The following RABGAP1 variants were observed in gnomAD, a reference collection of about 807,000 sequenced individuals.
RABGAP1 encodes RAB GTPase activating protein 1.
In RABGAP1, 23 loss-of-function variants were observed where a neutral mutation model predicts 137.6. That is an observed-to-expected ratio of 0.17 (90% CI 0.12 to 0.24). The LOEUF (loss-of-function observed/expected upper bound fraction) is 0.24. Among genes scored for constraint, RABGAP1 ranks in the 10% least tolerant of loss-of-function variants. RABGAP1 has a pLI of 1.00. For missense variants in RABGAP1, 906 were observed against 1,275.8 expected (o/e 0.71, Z 4.42); for synonymous variants, 451 against 450.7 (o/e 1.00, Z -0.01).
chr9:123,021,450 A>G (rs1387763417), intron 13 of RABGAP1, among the ~76,000 whole-genome samples: 1 of 151,642 alleles, frequency 6.6e-6, no homozygotes, highest in Non-Finnish European at 1.5e-5. Flanking sequence ...CCATCTCCCA[A>G]GAAGCTGGGA....
chr9:122,964,388 C>T (rs1835016489), intron 2 of RABGAP1, among the ~76,000 whole-genome samples: 1 of 151,986 alleles, frequency 6.6e-6, no homozygotes, highest in South Asian at 2.1e-4. Context: ...GGGAGTTATT[C>T]CAGGAATGTA....
At chr9:122,966,504 CAA>C (rs541484743) in intron 2 of RABGAP1, among the ~76,000 whole-genome samples, 78 of 151,898 alleles carry the variant, frequency 5.1e-4, no homozygotes, top group Non-Finnish European at 8.4e-4. Flanking sequence ...GCCTGGGTGA[CAA>C]GAGTGAAACT....
At chr9:123,032,391 A>G (rs1284593379) in intron 13 of RABGAP1, among the ~76,000 whole-genome samples, 1 of 152,222 alleles carries the variant, frequency 6.6e-6, no homozygotes, top group Non-Finnish European at 1.5e-5. Context: ...TGTGCCACAC[A>G]CTTCGCTCTG....
In RABGAP1 at chr9:122,942,526, C is replaced by T. The variant is rs1264649110; in HGVS notation, c.-50+1433C>T. ...CTCTACTGAAAATACAAAAATTAGA[C>T]GGGCGTAGTGGCAGGCGCCTGTAGT... is the stretch of plus-strand genomic sequence containing the variant. On this transcript the variant is annotated intron_variant, in intron 1 of 25. Coordinates refer to ENST00000373647, the MANE Select transcript of RABGAP1 (RefSeq NM_012197.4). 2.6e-5 allele frequency among the ~76,000 whole-genome samples: 4 copies of T among 151,972 alleles called. No individual in the cohort carries two copies. In the East Asian group the frequency reaches 5.8e-4, roughly 22 times the overall value.
At chr9:123,014,638 T>C (rs997249774) in intron 11 of RABGAP1, among the ~76,000 whole-genome samples, 20 of 150,038 alleles carry the variant, frequency 1.3e-4, no homozygotes, top group African/African-American at 4.9e-4. Flanking sequence ...ACTGAGTAAT[T>C]TATAAAGAAA....
At chr9:122,959,720 T>TC (rs559663484) in intron 2 of RABGAP1, among the ~76,000 whole-genome samples, 390 of 152,244 alleles carry the variant, frequency 2.6e-3, no homozygotes, top group African/African-American at 8.0e-3. Context: ...AGAATCCCTG[T>TC]CCCCCATCAG....
At chr9:123,077,281 C>T (rs1201688630) in intron 19 of RABGAP1, among the ~76,000 whole-genome samples, 1 of 151,776 alleles carries the variant, frequency 6.6e-6, no homozygotes, top group Admixed American at 6.6e-5. Flanking sequence ...TCCTGAGTAG[C>T]TGGGACTACA....
intron 6 of RABGAP1, among the ~76,000 whole-genome samples, chr9:122,993,516 C>T (rs1836853900): frequency 6.6e-6 from 1 of 152,054 alleles, no homozygotes; most frequent in African/African-American, 2.4e-5. Flanking sequence ...AGGTGATCCA[C>T]CTGCCTCAGC....
intron 2 of RABGAP1, among the ~76,000 whole-genome samples, chr9:122,979,210 T>C (rs142078050): frequency 7.2e-5 from 11 of 152,328 alleles, no homozygotes; most frequent in African/African-American, 2.6e-4. Flanking sequence ...TAGTCATTCT[T>C]ATAAGGGTAT....
chr9:123,061,398 A>T (rs1310916422), intron 13 of RABGAP1, among the ~76,000 whole-genome samples: 1 of 152,222 alleles, frequency 6.6e-6, no homozygotes, highest in Non-Finnish European at 1.5e-5. Flanking sequence ...TACAGGCATG[A>T]GCTACTGCGC....
chr9:122,941,994 G>C (rs1564344562), intron 1 of RABGAP1, among the ~76,000 whole-genome samples: 2 of 152,214 alleles, frequency 1.3e-5, no homozygotes, highest in African/African-American at 2.4e-5. Flanking sequence ...GTTCCAACTT[G>C]AATTTGAGGT....
chr9:123,029,512 A>T, intron 13 of RABGAP1: 1 of 891,484 alleles, frequency 1.1e-6, no homozygotes, highest in East Asian at 2.4e-5. Context: ...TGGCCAGGGA[A>T]CCTCAAATCT....
At chr9:123,077,875 A>T (rs563760828) in intron 19 of RABGAP1, among the ~76,000 whole-genome samples, 6,448 of 152,200 alleles carry the variant, frequency 0.042, 195 homozygotes, top group Admixed American at 0.079. Flanking sequence ...AGACTGAGCT[A>T]ACTCAGATTA....
At chr9:123,087,107 T>TTG (rs1450018368) in intron 19 of RABGAP1, among the ~76,000 whole-genome samples, 1 of 152,214 alleles carries the variant, frequency 6.6e-6, no homozygotes, top group Non-Finnish European at 1.5e-5. Flanking sequence ...ACCAGGTACT[T>TTG]ATCACACACC....
Position 123,015,543 on chromosome 9 carries a change from A to G in RABGAP1, c.1550A>G (p.Asp517Gly). Residue 517 changes from aspartate (D) to glycine (G), a missense_variant and splice_region_variant, in exon 12 of 26, where the codon GAT (aspartate) becomes GGT (glycine). By Grantham distance (94) the Asp-to-Gly change is moderately conservative (BLOSUM62 -1). This residue lies in a region of RABGAP1 where 212 missense variants were observed against 289.4 expected (regional missense o/e 0.73). Transcript: ENST00000373647. ...TTTTTGTGTGTTTTGTTTATTATAG[A>G]TAATGATGAACCTCTCCTGAGTGGA... ...PSPPEDDEEE[D>G]NDEPLLSGSG... The G allele has an allele frequency of 3.7e-6, 6 of 1,600,512 alleles. No individual in the cohort carries two copies. The highest frequency in any genetic ancestry group is 5.1e-6 in the Non-Finnish European group (6 of 1,170,142).
intron 13 of RABGAP1, among the ~76,000 whole-genome samples, chr9:123,057,330 C>T (rs1186166366): frequency 6.8e-6 from 1 of 148,086 alleles, no homozygotes. Flanking sequence ...CTCCTCACTT[C>T]TCAGACGGGG....
At chr9:122,932,566 G>A in the RABGAP1 span, among the ~76,000 whole-genome samples, 10 of 150,910 alleles carry the variant, frequency 6.6e-5, no homozygotes, top group Non-Finnish European at 1.5e-4. Context: ...TTTCGCTCTT[G>A]TTGCCCAGGC....
chr9:123,066,785 A>G (rs1270983819), intron 14 of RABGAP1, among the ~76,000 whole-genome samples: 1 of 152,248 alleles, frequency 6.6e-6, no homozygotes, highest in Non-Finnish European at 1.5e-5. Context: ...AAGTCTGTCA[A>G]TTGTATCAAA....
intron 2 of RABGAP1, among the ~76,000 whole-genome samples, chr9:122,966,975 A>T (rs1312909447): frequency 1.3e-5 from 2 of 152,230 alleles, no homozygotes; most frequent in African/African-American, 4.8e-5. Context: ...TCCATGATTT[A>T]ATTACCTCCC....
Sources: gnomAD v4.1 joint callset for allele counts (sites outside exome capture counted in the v4.1 genomes callset) on GRCh38, gnomAD v4.1.1 for gene constraint, gnomAD v4.1.1 regional missense constraint, MANE v1.5 for transcripts, NCBI Gene and HGNC (gene_info 2026-07-23, HGNC 2026-07-21) for gene names.